The following PCDHGA5 variants were observed in gnomAD, a reference collection of about 807,000 sequenced individuals.
The protein encoded by PCDHGA5 is protocadherin gamma-A5.
PCDHGA5 carries 36 observed loss-of-function variants against 56.7 expected under a neutral mutation model. The observed-to-expected ratio is 0.64, with a 90% CI of 0.49 to 0.84. PCDHGA5 has a LOEUF of 0.84. Among genes scored for constraint, PCDHGA5 ranks in the 40% least tolerant of loss-of-function variants. The pLI, the probability that PCDHGA5 is intolerant of heterozygous loss-of-function variation, is 0.00. For missense variants in PCDHGA5, 1,305 were observed against 1,201.5 expected, an observed-to-expected ratio of 1.09 and a Z score of -1.27; for synonymous variants, 563 against 520.2, an observed-to-expected ratio of 1.08 and a Z score of -1.12.
At chr5:141,434,698 A>G (rs2097710714) in intron 1 of PCDHGA5, among the ~76,000 whole-genome samples, 1 of 152,070 alleles carries the variant, frequency 6.6e-6, no homozygotes, top group South Asian at 2.1e-4. Context: ...GTTAATAAAT[A>G]TGTGGGTAAA....
chr5:141,450,569 T>G (rs1325535745), intron 1 of PCDHGA5, among the ~76,000 whole-genome samples: 1 of 149,800 alleles, frequency 6.7e-6, no homozygotes, highest in African/African-American at 2.5e-5. Flanking sequence ...TCACTGCAAC[T>G]TCTGCCTCCC....
chr5:141,501,326 CA>C (rs1562200763), intron 2 of PCDHGA5, among the ~76,000 whole-genome samples: 18 of 151,784 alleles, frequency 1.2e-4, no homozygotes, highest in African/African-American at 1.9e-4. Flanking sequence ...CACACACACA[CA>C]CACACACCCC....
At chr5:141,458,728 T>A (rs1010109573) in intron 1 of PCDHGA5, among the ~76,000 whole-genome samples, 1 of 151,870 alleles carries the variant, frequency 6.6e-6, no homozygotes, top group Non-Finnish European at 1.5e-5. Context: ...CGCCACCACA[T>A]CCAGCTATTG....
chr5:141,383,480 T>C, intron 1 of PCDHGA5: 2 of 1,613,740 alleles, frequency 1.2e-6, no homozygotes, highest in Non-Finnish European at 1.7e-6. Context: ...TACCCGGAAC[T>C]GGTGCTGGAG....
rs186028114 is a variant in PCDHGA5, at chr5:141,387,416, T to C, written c.2421+20665T>C. ...ATGTTTGAAGATTGGGGAAAGCTTA[T>C]GTCAATAAATGTTTATGTACTTAAT... On this transcript the variant is annotated intron_variant, in intron 1 of 3. Coordinates refer to ENST00000518069, the MANE Select transcript of PCDHGA5 (RefSeq NM_018918.3). 6.8e-4 allele frequency among the ~76,000 whole-genome samples: 103 copies of C among 152,364 alleles called. 1 individual carries two copies. The highest frequency in any genetic ancestry group is 3.4e-3 in the Middle Eastern group (1 of 294).
intron 1 of PCDHGA5, chr5:141,415,589 T>C: frequency 1.2e-6 from 2 of 1,614,062 alleles, no homozygotes; most frequent in Non-Finnish European, 1.7e-6. Flanking sequence ...AAGTTTCCTA[T>C]AGAGGATACC....
At chr5:141,421,513 C>T (rs368199651) in intron 1 of PCDHGA5, 14 of 1,613,960 alleles carry the variant, frequency 8.7e-6, no homozygotes, top group Non-Finnish European at 1.1e-5. Context: ...CCGGGAGGAG[C>T]TCTGTGAGAC....
intron 1 of PCDHGA5, among the ~76,000 whole-genome samples, chr5:141,373,138 T>A (rs1047353742): frequency 6.6e-6 from 1 of 152,246 alleles, no homozygotes; most frequent in South Asian, 2.1e-4. Flanking sequence ...TCCTCACAAT[T>A]AAGTGGTTTA....
At chr5:141,380,282 T>C (rs1263967352) in intron 1 of PCDHGA5, among the ~76,000 whole-genome samples, 3 of 152,306 alleles carry the variant, frequency 2.0e-5, no homozygotes, top group Admixed American at 6.5e-5. Flanking sequence ...AGGAGAAACA[T>C]TGGAAGATAC....
intron 1 of PCDHGA5, chr5:141,376,199 G>A: frequency 6.2e-7 from 1 of 1,614,162 alleles, no homozygotes; most frequent in Non-Finnish European, 8.5e-7. Flanking sequence ...CGTCTTCCTG[G>A]CCTTCGTCAT....
intron 1 of PCDHGA5, chr5:141,427,435 T>C (rs536693959): frequency 2.1e-6 from 1 of 474,160 alleles, no homozygotes; most frequent in African/African-American, 2.0e-5. Flanking sequence ...ACATGCCTCA[T>C]AAACGAAAGA....
At chr5:141,393,857 C>A (rs753457502) in intron 1 of PCDHGA5, 3 of 1,613,860 alleles carry the variant, frequency 1.9e-6, no homozygotes, top group Non-Finnish European at 2.5e-6. Flanking sequence ...CAGAAGTGAT[C>A]ATTACGTCTT....
chr5:141,422,088 CA>C (rs1235447839), intron 1 of PCDHGA5: 2 of 1,611,912 alleles, frequency 1.2e-6, no homozygotes, highest in Non-Finnish European at 1.7e-6. Flanking sequence ...ACATGGAAAG[CA>C]AGGCTTCTGA....
chr5:141,473,029 G>A (rs62379204), intron 1 of PCDHGA5, among the ~76,000 whole-genome samples: 15,982 of 147,800 alleles, frequency 0.11, 873 homozygotes, highest in South Asian at 0.15. Flanking sequence ...AAGGAAGGAA[G>A]GAAGGAAAGA....
At position 141,491,765 on chromosome 5, in the gene PCDHGA5, A is replaced by C; in HGVS notation, c.2422-3042A>C. 1 of 1,569,230 alleles carries C rather than the reference A, an allele frequency of 6.4e-7. No homozygotes were observed. On this transcript the variant is annotated intron_variant, in intron 1 of 3. Coordinates refer to ENST00000518069, the MANE Select transcript of PCDHGA5 (RefSeq NM_018918.3). This position sits in a 1 kb window ranked among gnomAD's most constrained non-coding sequence, Gnocchi z 6.9. The stretch of plus-strand genomic sequence containing the variant: ...GGCACTGGAGAAGCCGCCCGTCCTC[A>C]TAAGGGATTGAACTTGCATCCACTC...
Position 141,418,514 on chromosome 5 carries a change from G to A in PCDHGA5, c.2421+51763G>A. Reference sequence around the variant, plus strand: ...GGTACTGACCGCCTTAGATGGTGGGGACCCTCCCCGAAGCGGTACTGCTCA... The same window carrying A: ...GGTACTGACCGCCTTAGATGGTGGGAACCCTCCCCGAAGCGGTACTGCTCA... On this transcript the variant is annotated intron_variant, in intron 1 of 3. Transcript: ENST00000518069. 1 of 1,613,996 alleles carries A rather than the reference G, an allele frequency of 6.2e-7. No homozygotes were observed.
At chr5:141,441,855 G>A in intron 1 of PCDHGA5, 3 of 351,872 alleles carry the variant, frequency 8.5e-6, no homozygotes, top group Admixed American at 4.0e-5. Flanking sequence ...ATATGGTGCT[G>A]CACGCCGCGG....
rs768311217 is a variant in PCDHGA5 at position 141,382,969 on chromosome 5, T to C, written c.2421+16218T>C. On this transcript the variant is annotated intron_variant, in intron 1 of 3. Coordinates refer to ENST00000518069, the MANE Select transcript of PCDHGA5 (RefSeq NM_018918.3). Reference sequence around the variant, plus strand: ...GCTCTCCATCCTCCTGGGGACCCCCTGGGAAGCCTGGGCAGGACGTATTCT... The same window carrying C: ...GCTCTCCATCCTCCTGGGGACCCCCCGGGAAGCCTGGGCAGGACGTATTCT... The C allele has an allele frequency of 1.2e-5, 19 of 1,609,300 alleles. No homozygotes were observed. Among genetic ancestry groups the C allele is most frequent in the Non-Finnish European group, 1.6e-5 (19 of 1,176,708 alleles).
intron 1 of PCDHGA5, chr5:141,430,515 G>A (rs1016446331): frequency 2.1e-5 from 7 of 340,180 alleles, no homozygotes; most frequent in Admixed American, 1.8e-4. Flanking sequence ...TCAAGATTGT[G>A]CAGTAATTGG....
Sources: gnomAD v4.1 joint callset for allele counts (sites outside exome capture counted in the v4.1 genomes callset) on GRCh38, gnomAD v4.1.1 for gene constraint, Gnocchi (gnomAD v3.1) non-coding constraint, MANE v1.5 for transcripts, NCBI Gene and HGNC (gene_info 2026-07-23, HGNC 2026-07-21) for gene names.